Variants in SEC14L1 observed in about 807,000 individuals in gnomAD.
SEC14L1 encodes SEC14-like protein 1.
Under a neutral mutation model 85.3 loss-of-function variants are expected in SEC14L1, and 48 were observed. The ratio of observed to expected loss-of-function variants is 0.56; its 90% confidence interval spans 0.45 to 0.72. SEC14L1 has a LOEUF of 0.72. SEC14L1 is among the 30% of genes least tolerant of loss of function. SEC14L1 has a pLI of 0.00. For missense variants in SEC14L1, 682 were observed against 921.4 expected (o/e 0.74, Z 3.36); for synonymous variants, 391 against 355.5 (o/e 1.10, Z -1.12).
chr17:77,202,772 T>C (rs1976219870), intron 9 of SEC14L1, among the ~76,000 whole-genome samples: 2 of 151,612 alleles, frequency 1.3e-5, no homozygotes, highest in South Asian at 2.1e-4. Context: ...TACAAAAAAT[T>C]AGCCGGGCAT....
chr17:77,199,520 C>A, intron 8 of SEC14L1: 1 of 155,264 alleles, frequency 6.4e-6, no homozygotes, highest in South Asian at 1.7e-4. Flanking sequence ...GAACAAAAAT[C>A]TTGCCTTTCT....
At chr17:77,099,256 A>T (rs1971713474) in intron 3 of SEC14L1, 1 of 152,192 alleles carries the variant, frequency 6.6e-6, no homozygotes, top group Admixed American at 6.5e-5. Context: ...CTTTTAACAA[A>T]ACCAAGACTT....
intron 3 of SEC14L1, among the ~76,000 whole-genome samples, chr17:77,105,781 T>A (rs964997984): frequency 1.3e-5 from 2 of 152,074 alleles, no homozygotes; most frequent in African/African-American, 2.4e-5. Context: ...TTAGGAAGGA[T>A]GAATGGGCCC....
At chr17:77,193,127 G>C (rs1341430196) in intron 5 of SEC14L1, among the ~76,000 whole-genome samples, 1 of 152,218 alleles carries the variant, frequency 6.6e-6, no homozygotes, top group African/African-American at 2.4e-5. Flanking sequence ...GGAGAAGACT[G>C]TTCAGTGAGT....
At chr17:77,192,287 T>G (rs953751206) in intron 5 of SEC14L1, among the ~76,000 whole-genome samples, 1 of 152,224 alleles carries the variant, frequency 6.6e-6, no homozygotes, top group Non-Finnish European at 1.5e-5. Flanking sequence ...CCTGACAGAT[T>G]GCTGTATTTC....
chr17:77,194,895 G>T lies in SEC14L1; in HGVS notation c.693G>T (p.Val231=). The change falls in exon 7 of 17, where the codon GTG becomes GTT. Residue 231 remains valine (V), a synonymous_variant. Coordinates refer to ENST00000436233, the MANE Select transcript of SEC14L1 (RefSeq NM_001143998.2). ...GCAGCCCCAGCGCACCTGAGCCCGT[G>T]GTGGGCACCCCTGACGGTGGGTCTG... ...ALSSPSAPEP[V]VGTPDDKLDA... 6.2e-7 allele frequency: 1 copy of T among 1,614,010 alleles called. No homozygotes were observed. The highest frequency in any genetic ancestry group is 8.5e-7 in the Non-Finnish European group (1 of 1,179,872).
chr17:77,153,690 T>G (rs529635064), intron 3 of SEC14L1, among the ~76,000 whole-genome samples: 44 of 152,058 alleles, frequency 2.9e-4, no homozygotes, highest in African/African-American at 9.9e-4. Flanking sequence ...GTGGGTGGTG[T>G]TTGTGGTCTG....
chr17:77,130,686 C>G (rs958865110), intron 3 of SEC14L1, among the ~76,000 whole-genome samples: 63 of 152,118 alleles, frequency 4.1e-4, no homozygotes, highest in African/African-American at 1.5e-3. Context: ...GTAGCATGAT[C>G]ACGGCTCACT....
In SEC14L1 at chr17:77,200,513, C is replaced by T. The variant is rs1265660387; in HGVS notation, c.849C>T (p.Phe283=). The T allele has an allele frequency of 1.1e-5, 18 of 1,613,626 alleles. No homozygotes were observed. Among genetic ancestry groups the T allele is most frequent in the Non-Finnish European group, 1.4e-5 (17 of 1,179,778 alleles). Residue 283 remains phenylalanine, a synonymous_variant, in exon 9 of 17, where the codon TTC becomes TTT. Transcript: ENST00000436233. ...KIPKDEHILR[F]LRARDFNIDK... is the part of the protein sequence containing the mutation. ...CAAAAGATGAGCATATTCTTCGGTT[C>T]CTCCGTGCACGGGATTTTAATATTG...
At chr17:77,121,098 A>C (rs1223511407) in intron 3 of SEC14L1, among the ~76,000 whole-genome samples, 2 of 152,142 alleles carry the variant, frequency 1.3e-5, no homozygotes, top group African/African-American at 4.8e-5. Context: ...TGTCCCTGGA[A>C]GCCTGCCTAG....
intron 1 of SEC14L1, chr17:77,141,339 C>G (rs1973029393): frequency 7.4e-6 from 1 of 135,670 alleles, no homozygotes; most frequent in African/African-American, 2.8e-5. Context: ...GCCCCCCTCC[C>G]CCGCCCCCAC....
Position 77,165,652 on chromosome 17 carries a change from G to A in SEC14L1, c.63+21993G>A, listed in dbSNP as rs192317804. 2.4e-4 allele frequency among the ~76,000 whole-genome samples: 37 copies of A among 152,260 alleles called. No homozygotes were observed. In the East Asian group the frequency reaches 6.9e-3, roughly 29 times the overall value. On this transcript the variant is annotated intron_variant, in intron 3 of 16. Transcript: ENST00000436233. ...GGGGAGTGTTTTATTCCCAGTGCCT[G>A]AACTGAAGTATGATCATTTTTTTTG...
intron 3 of SEC14L1, among the ~76,000 whole-genome samples, chr17:77,159,384 T>TC (rs1367844378): frequency 4.3e-5 from 6 of 138,100 alleles, no homozygotes; most frequent in Admixed American, 1.4e-4. Context: ...TTCTTCTTCT[T>TC]TTTTTTTTTT....
intron 3 of SEC14L1, among the ~76,000 whole-genome samples, chr17:77,160,757 C>T (rs746410069): frequency 6.6e-6 from 1 of 152,080 alleles, no homozygotes; most frequent in African/African-American, 2.4e-5. Context: ...TACATGGATG[C>T]GTTGAGATCA....
chr17:77,186,539 C>T (rs565213129), intron 3 of SEC14L1, among the ~76,000 whole-genome samples: 24 of 152,354 alleles, frequency 1.6e-4, no homozygotes, highest in Admixed American at 6.5e-4. Context: ...TACTGACTAC[C>T]ATGGTCCCTT....
In SEC14L1 at chr17:77,194,858, G is replaced by A; in HGVS notation, c.656G>A (p.Gly219Asp). The change falls in exon 7 of 17, where the codon GGT becomes GAT. Residue 219 changes from glycine to aspartate, a missense_variant. Gly to Asp is a moderately conservative substitution (Grantham distance 94, BLOSUM62 -1). Around this residue, in one of 3 missense-constraint regions of SEC14L1, gnomAD observed 123 missense variants for 100.6 expected, o/e 1.22. Transcript: ENST00000436233. ...PEAALKEGLSGDALSSPSAPE... is the reference protein window; with the variant it reads ...PEAALKEGLSDDALSSPSAPE... ...GCTGCCCTCAAGGAGGGGCTGAGTG[G>A]TGATGCCCTCAGCAGCCCCAGCGCA... is the stretch of plus-strand genomic sequence containing the variant. The A allele has an allele frequency of 6.2e-7, 1 of 1,614,210 alleles. No individual in the cohort carries two copies. Among genetic ancestry groups the A allele is most frequent in the Non-Finnish European group, 8.5e-7 (1 of 1,180,032 alleles).
chr17:77,118,510 C>T (rs1972227788), intron 3 of SEC14L1, among the ~76,000 whole-genome samples: 1 of 152,182 alleles, frequency 6.6e-6, no homozygotes, highest in Non-Finnish European at 1.5e-5. Flanking sequence ...AGGACTGTCC[C>T]CGAGCCTCAT....
intron 3 of SEC14L1, among the ~76,000 whole-genome samples, chr17:77,156,675 T>C (rs1238259434): frequency 6.6e-6 from 1 of 152,084 alleles, no homozygotes; most frequent in East Asian, 1.9e-4. Flanking sequence ...TTTTGTTTTT[T>C]GTTTTTTTTT....
At chr17:77,161,392 C>T (rs954265814) in intron 3 of SEC14L1, among the ~76,000 whole-genome samples, 8 of 152,016 alleles carry the variant, frequency 5.3e-5, no homozygotes, top group Non-Finnish European at 7.4e-5. Context: ...GCGGCTGAGG[C>T]GAGAGAATCA....
Sources: allele counts gnomAD v4.1 joint callset (sites outside exome capture counted in the v4.1 genomes callset), GRCh38; gene constraint gnomAD v4.1.1; regional missense constraint gnomAD v4.1.1; transcripts MANE v1.5; gene names NCBI Gene and HGNC (gene_info 2026-07-23, HGNC 2026-07-21).